Variants in SEL1L2 observed in about 807,000 individuals in gnomAD.
The protein encoded by SEL1L2 is SEL1L2 adaptor subunit of SYVN1 ubiquitin ligase.
SEL1L2 carries 89 observed loss-of-function variants against 98.8 expected under a neutral mutation model. The observed-to-expected ratio is 0.90, with a 90% CI of 0.76 to 1.07. The LOEUF is 1.07. Ranked by LOEUF, SEL1L2 falls within the 50% of genes least tolerant of loss-of-function variation. The pLI is 0.00. For missense variants in SEL1L2, 788 were observed against 812.0 expected (o/e 0.97, Z 0.36); for synonymous variants, 262 against 278.5 (o/e 0.94, Z 0.59).
intron 5 of SEL1L2, among the ~76,000 whole-genome samples, chr20:13,899,247 T>C (rs1759284050): frequency 6.6e-6 from 1 of 152,144 alleles, no homozygotes; most frequent in South Asian, 2.1e-4. Context: ...ATTGTGGTCA[T>C]GGCATGTATT....
upstream of SEL1L2, among the ~76,000 whole-genome samples, chr20:13,993,066 A>G (rs1459140444): frequency 6.6e-6 from 1 of 152,204 alleles, no homozygotes; most frequent in African/African-American, 2.4e-5. Flanking sequence ...CAGAAGTGAG[A>G]AGACGTGATC....
At chr20:13,984,235 C>T (rs995722158) in intron 1 of SEL1L2, among the ~76,000 whole-genome samples, 2 of 152,118 alleles carry the variant, frequency 1.3e-5, no homozygotes, top group Non-Finnish European at 2.9e-5. Context: ...TTGTCTCGAA[C>T]TCCTGACCTC....
intron 12 of SEL1L2, among the ~76,000 whole-genome samples, chr20:13,872,005 G>A (rs763626024): frequency 2.6e-5 from 4 of 152,146 alleles, no homozygotes; most frequent in Non-Finnish European, 4.4e-5. Flanking sequence ...TATTTCAAAA[G>A]TGGTTTCAAG....
chr20:13,915,491 C>T (rs148047768), intron 4 of SEL1L2, among the ~76,000 whole-genome samples: 4 of 152,282 alleles, frequency 2.6e-5, no homozygotes, highest in Non-Finnish European at 4.4e-5. Flanking sequence ...TGGCTTGCTG[C>T]TGCAACTCTA....
At chr20:13,904,477 G>A (rs575664967) in intron 5 of SEL1L2, among the ~76,000 whole-genome samples, 27 of 152,208 alleles carry the variant, frequency 1.8e-4, no homozygotes, top group East Asian at 3.9e-4. Context: ...GTATTGAGAT[G>A]AGATGGCGCC....
chr20:13,937,688 C>A (rs956963868), intron 2 of SEL1L2, among the ~76,000 whole-genome samples: 5 of 152,184 alleles, frequency 3.3e-5, no homozygotes, highest in African/African-American at 1.2e-4. Context: ...CCTAGTACAT[C>A]ACATATTACA....
At chr20:13,900,662 C>T (rs1002609790) in intron 5 of SEL1L2, among the ~76,000 whole-genome samples, 1 of 152,136 alleles carries the variant, frequency 6.6e-6, no homozygotes, top group Non-Finnish European at 1.5e-5. Flanking sequence ...TGTGCCTGTG[C>T]GGCCAGGACT....
chr20:13,926,599 C>T, intron 3 of SEL1L2, among the ~76,000 whole-genome samples: 1 of 152,148 alleles, frequency 6.6e-6, no homozygotes, highest in Non-Finnish European at 1.5e-5. Flanking sequence ...CTATGCAGCA[C>T]TCTGTAGCTG....
chr20:13,940,252 G>A (rs1343553427), intron 2 of SEL1L2, among the ~76,000 whole-genome samples: 1 of 152,196 alleles, frequency 6.6e-6, no homozygotes, highest in Non-Finnish European at 1.5e-5. Context: ...TTGATTGGGT[G>A]TCCAAGAAAA....
chr20:13,903,736 G>C (rs1030169936), intron 5 of SEL1L2, among the ~76,000 whole-genome samples: 1 of 151,876 alleles, frequency 6.6e-6, no homozygotes, highest in Non-Finnish European at 1.5e-5. Context: ...ACTTGAACCC[G>C]GGGGGGAGAC....
intron 2 of SEL1L2, among the ~76,000 whole-genome samples, chr20:13,952,530 C>T (rs535708396): frequency 3.9e-5 from 6 of 152,254 alleles, no homozygotes; most frequent in South Asian, 2.1e-4. Context: ...ATGGATGGCA[C>T]CTGCTAAGTT....
Position 13,877,409 on chromosome 20 carries a change from T to G in SEL1L2, c.1026+111A>C. 1.8e-5 allele frequency: 14 copies of G among 785,718 alleles called. No homozygotes were observed. The South Asian group carries it at 2.3e-4, about 13-fold the overall frequency. The allele number at this position is 785,718 out of a possible 1,614,324, so 48.7% of individuals were successfully genotyped here. A position where few individuals can be genotyped will look rare whatever the true frequency, so the allele number is the denominator to read the frequency against. On this transcript the variant is annotated intron_variant, in intron 11 of 19. Transcript: ENST00000284951. The stretch of plus-strand genomic sequence containing the variant: ...GCTGGTTGCCTGTGCTCAATGATCT[T>G]TCCACCTCAACTTCCCAAGTAGCTG...
At chr20:13,923,624 C>T (rs960870689) in intron 3 of SEL1L2, among the ~76,000 whole-genome samples, 3 of 152,150 alleles carry the variant, frequency 2.0e-5, no homozygotes, top group Admixed American at 1.3e-4. Flanking sequence ...CATAGTGGCA[C>T]GTGCCTGTAG....
rs1188411633 is a variant in SEL1L2 at position 13,915,204 on chromosome 20, A to G, written c.387-1260T>C. On this transcript the variant is annotated intron_variant, in intron 4 of 19. Coordinates refer to ENST00000284951, the MANE Select transcript of SEL1L2 (RefSeq NM_025229.2). ...GAGCAGAGTAGTCCAGGCAAGAAGGACCTCAGACAGAGAAACATCCAGGTA... is the reference window on the plus strand; with the variant it reads ...GAGCAGAGTAGTCCAGGCAAGAAGGGCCTCAGACAGAGAAACATCCAGGTA... The G allele has an allele frequency of 3.1e-6, 4 of 1,289,444 alleles. No individual in the cohort carries two copies. In the African/African-American group the frequency reaches 6.1e-5, roughly 20 times the overall value. The allele number at this position is 1,289,444 out of a possible 1,614,324, so 79.9% of individuals were successfully genotyped here.
chr20:13,950,689 A>G (rs1394517743), intron 2 of SEL1L2, among the ~76,000 whole-genome samples: 1 of 152,220 alleles, frequency 6.6e-6, no homozygotes, highest in Non-Finnish European at 1.5e-5. Context: ...GCTACGATTC[A>G]TGAATACTGA....
At chr20:13,947,127 G>GGATCCGT (rs1555892532) in intron 2 of SEL1L2, among the ~76,000 whole-genome samples, 25 of 151,800 alleles carry the variant, frequency 1.6e-4, no homozygotes, top group Admixed American at 1.6e-3. Context: ...CTGGGGGCCA[G>GGATCCGT]GATCCATTCC....
intron 10 of SEL1L2, among the ~76,000 whole-genome samples, chr20:13,881,292 G>A (rs533951261): frequency 3.9e-5 from 6 of 152,192 alleles, no homozygotes; most frequent in South Asian, 2.1e-4. Flanking sequence ...GATTGCAGGC[G>A]TGAGCCACCG....
chr20:13,969,178 T>C (rs2051177009), intron 1 of SEL1L2, among the ~76,000 whole-genome samples: 1 of 152,216 alleles, frequency 6.6e-6, no homozygotes, highest in African/African-American at 2.4e-5. Flanking sequence ...GGCTGAAATA[T>C]GATTAAATAG....
chr20:13,883,250 T>C (rs1358248241), intron 10 of SEL1L2, among the ~76,000 whole-genome samples: 1 of 152,192 alleles, frequency 6.6e-6, no homozygotes, highest in Non-Finnish European at 1.5e-5. Flanking sequence ...AGGATGGTTC[T>C]GGAATTAAAC....
Sources: gnomAD v4.1 joint callset for allele counts (sites outside exome capture counted in the v4.1 genomes callset) on GRCh38, gnomAD v4.1.1 for gene constraint, MANE v1.5 for transcripts, NCBI Gene and HGNC (gene_info 2026-07-23, HGNC 2026-07-21) for gene names.